SLC15A2: variants seen among roughly 807,000 people sequenced by gnomAD.
The protein encoded by SLC15A2 is solute carrier family 15 member 2.
SLC15A2 carries 77 observed loss-of-function variants against 95.5 expected under a neutral mutation model. That is an observed-to-expected ratio of 0.81 (90% CI 0.67 to 0.97). The LOEUF (loss-of-function observed/expected upper bound fraction) is 0.97. Among genes scored for constraint, SLC15A2 ranks in the 50% least tolerant of loss-of-function variants. The probability of loss-of-function intolerance (pLI) is 0.00; values close to 1 mark genes in which losing one functional copy is unlikely to be tolerated. For missense variants in SLC15A2, 893 were observed against 874.4 expected, an observed-to-expected ratio of 1.02 and a Z score of -0.27; for synonymous variants, 306 against 306.9, an observed-to-expected ratio of 1.00 and a Z score of 0.03.
At chr3:121,936,174 T>A (rs1284970056) in intron 19 of SLC15A2, among the ~76,000 whole-genome samples, 2 of 152,216 alleles carry the variant, frequency 1.3e-5, no homozygotes, top group African/African-American at 4.8e-5. Context: ...CGAGGAGAGC[T>A]TTACTTCCAA....
chr3:121,896,527 C>T (rs1233610395), intron 2 of SLC15A2, 34 bp downstream of exon 2: 5 of 1,490,602 alleles, frequency 3.4e-6, no homozygotes, highest in East Asian at 2.3e-5. Context: ...ACCTACTCTC[C>T]TCCACCCACC....
intron 13 of SLC15A2, chr3:121,927,535 T>G (rs1882003): frequency 0.43 from 195,685 of 455,936 alleles, 44,417 homozygotes; most frequent in East Asian, 0.7. Flanking sequence ...AGCTCCTCGA[T>G]GCTTCACCAG....
chr3:121,908,563 C>A (rs1037414461), intron 3 of SLC15A2, among the ~76,000 whole-genome samples: 31 of 152,302 alleles, frequency 2.0e-4, no homozygotes, highest in Middle Eastern at 3.4e-3. Context: ...TTCTCTTTCT[C>A]TGAGTGGGTC....
At chr3:121,928,699 A>C in intron 15 of SLC15A2, 144 bp downstream of exon 15, 1 of 931,114 alleles carries the variant, frequency 1.1e-6, no homozygotes. Flanking sequence ...ATAATATTCC[A>C]TTCTATAGAT....
intron 17 of SLC15A2, among the ~76,000 whole-genome samples, chr3:121,930,254 C>T (rs1338317058): frequency 6.6e-6 from 1 of 152,066 alleles, no homozygotes; most frequent in Non-Finnish European, 1.5e-5. Flanking sequence ...CCTGAGAGGA[C>T]AATCTAGGTG....
chr3:121,915,542 C>T (rs745982506), intron 6 of SLC15A2, 74 bp from the exon 7 acceptor site: 2 of 1,188,678 alleles, frequency 1.7e-6, no homozygotes, highest in Non-Finnish European at 2.5e-6. Flanking sequence ...ATTCAACAAC[C>T]TGAGCTTGTA....
rs1710453302 is a variant in SLC15A2 at position 121,940,986 on chromosome 3, G to A, written c.2169G>A (p.Glu723=). The A allele has an allele frequency of 1.2e-6, 2 of 1,613,416 alleles. No individual in the cohort carries two copies. ...PHIQGNMIKL[E]TKKTKL ...TCCAGGGGAACATGATCAAACTAGA[G>A]ACCAAGAAGACAAAACTCTGATGAC... is the stretch of plus-strand genomic sequence containing the variant. The change falls in exon 22 of 22, where the codon GAG becomes GAA. Residue 723 remains glutamate, a synonymous_variant. Coordinates refer to ENST00000489711, the MANE Select transcript of SLC15A2 (RefSeq NM_021082.4).
At chr3:121,901,777 A>G (rs1362192903) in intron 3 of SLC15A2, among the ~76,000 whole-genome samples, 4 of 151,886 alleles carry the variant, frequency 2.6e-5, no homozygotes, top group South Asian at 4.2e-4. Flanking sequence ...AGGAAAATGG[A>G]TAGATTTTTG....
chr3:121,906,692 T>G (rs1370098799), intron 3 of SLC15A2, among the ~76,000 whole-genome samples: 1 of 152,194 alleles, frequency 6.6e-6, no homozygotes, highest in East Asian at 1.9e-4. Flanking sequence ...TGGCCCCCAC[T>G]CTCTTCTGGC....
At chr3:121,934,980 T>TTGC (rs1710309746) in intron 19 of SLC15A2, among the ~76,000 whole-genome samples, 2 of 149,146 alleles carry the variant, frequency 1.3e-5, no homozygotes, top group South Asian at 4.3e-4. Context: ...TGAAGCGTTG[T>TTGC]TGAATTTTGT....
rs1304615568 is a variant in SLC15A2 at position 121,928,984 on chromosome 3, A to G, written c.1344A>G (p.Lys448=). Residue 448 remains lysine, a splice_region_variant and synonymous_variant, in exon 16 of 22, where the codon AAA becomes AAG. Coordinates refer to ENST00000489711, the MANE Select transcript of SLC15A2 (RefSeq NM_021082.4). The part of the protein sequence containing the change: ...LLIESIKSFQ[K]TPHYSKLHLK... ...ATTTTATATTCTTCATTTTACAGAA[A>G]ACACCACACTATTCCAAACTGCACC... 1.2e-6 allele frequency: 2 copies of G among 1,613,614 alleles called. No homozygotes were observed. The highest frequency in any genetic ancestry group is 1.7e-6 in the Non-Finnish European group (2 of 1,179,818).
In SLC15A2 at chr3:121,929,009, C is replaced by A. The variant is rs1710177160; in HGVS notation, c.1369C>A (p.Leu457Met). Residue 457 changes from leucine to methionine, a missense_variant, in exon 16 of 22, where the codon CTG (leucine) becomes ATG (methionine). Transcript: ENST00000489711. Reference protein sequence around the residue: ...QKTPHYSKLHLKTKSQDFHFH... With the variant: ...QKTPHYSKLHMKTKSQDFHFH... Reference sequence around the variant, plus strand: ...AACACCACACTATTCCAAACTGCACCTGAAAACAAAAAGCCAGGATTTTCA... The same window carrying A: ...AACACCACACTATTCCAAACTGCACATGAAAACAAAAAGCCAGGATTTTCA... The A allele has an allele frequency of 1.9e-6, 3 of 1,613,870 alleles. No homozygotes were observed. In the African/African-American group the frequency reaches 4.0e-5, roughly 22 times the overall value.
chr3:121,934,975 C>CGTTT (rs1366702760), intron 19 of SLC15A2, among the ~76,000 whole-genome samples: 2 of 97,082 alleles, frequency 2.1e-5, no homozygotes, highest in South Asian at 2.9e-4. Flanking sequence ...TAGCATGAAG[C>CGTTT]GTTGTTGAAT....
At chr3:121,930,699 T>TA in intron 17 of SLC15A2, 141 bp from the exon 18 acceptor site, 2 of 590,128 alleles carry the variant, frequency 3.4e-6, no homozygotes, top group South Asian at 4.2e-5. Flanking sequence ...CAATATACAT[T>TA]AGGTACCTTT....
At chr3:121,910,943 C>A (rs1472837473) in intron 3 of SLC15A2, among the ~76,000 whole-genome samples, 1 of 152,140 alleles carries the variant, frequency 6.6e-6, no homozygotes, top group African/African-American at 2.4e-5. Context: ...ATTCTAAGTC[C>A]CTGGCTCCTT....
intron 19 of SLC15A2, among the ~76,000 whole-genome samples, chr3:121,938,677 G>A (rs543761527): frequency 5.4e-4 from 83 of 152,320 alleles, no homozygotes; most frequent in Non-Finnish European, 1.0e-3. Context: ...GCACTCCCTA[G>A]TGAGATGAGC....
At position 121,929,331 on chromosome 3, in the gene SLC15A2, T is replaced by C; in HGVS notation, c.1536T>C (p.Asn512=). 12 of 1,613,952 alleles carry C rather than the reference T, an allele frequency of 7.4e-6. No homozygotes were observed. The highest frequency in any genetic ancestry group is 9.3e-6 in the Non-Finnish European group (11 of 1,179,870). ...AGGATACAGAAAGCAGAACAACCAA[T>C]GGGATGACAACCGTGAGGTTTGAAT... is the stretch of plus-strand genomic sequence containing the variant. ...MVKDTESRTT[N]GMTTVRFVNT... Residue 512 remains asparagine (N), a synonymous_variant, in exon 17 of 22, where the codon AAT becomes AAC. Transcript: ENST00000489711.
chr3:121,911,693 A>G, intron 4 of SLC15A2, 27 bp downstream of exon 4: 1 of 1,366,672 alleles, frequency 7.3e-7, no homozygotes, highest in Non-Finnish European at 1.0e-6. Context: ...AATCAACTAA[A>G]CTACTTTTCT....
chr3:121,928,906 T>G, intron 15 of SLC15A2, 76 bp from the exon 16 acceptor site: 1 of 1,506,646 alleles, frequency 6.6e-7, no homozygotes, highest in Non-Finnish European at 9.0e-7. Flanking sequence ...TCACCTACCC[T>G]GAGATGCTAC....
Sources: allele counts gnomAD v4.1 joint callset (sites outside exome capture counted in the v4.1 genomes callset), GRCh38; gene constraint gnomAD v4.1.1; transcripts MANE v1.5; gene names NCBI Gene and HGNC (gene_info 2026-07-23, HGNC 2026-07-21).